CCDC91: variants seen among roughly 807,000 people sequenced by gnomAD.
CCDC91 encodes the protein coiled-coil domain-containing protein 91.
In CCDC91, 48 loss-of-function variants were observed where a neutral mutation model predicts 63.2. The observed-to-expected ratio is 0.76, with a 90% CI of 0.60 to 0.97. CCDC91 has a LOEUF of 0.97. CCDC91 is among the 50% of genes least tolerant of loss of function. The pLI is 0.00. For missense variants in CCDC91, 500 were observed against 494.6 expected (o/e 1.01, Z -0.10); for synonymous variants, 167 against 165.8 (o/e 1.01, Z -0.06).
chr12:28,238,533 ATATATT>A (rs1945118410), intron 1 of CCDC91, among the ~76,000 whole-genome samples: 1 of 152,176 alleles, frequency 6.6e-6, no homozygotes, highest in Admixed American at 6.5e-5. Flanking sequence ...AATTAAAAAA[ATATATT>A]TATACCAGTT....
At chr12:28,363,525 C>T (rs1944042469) in intron 7 of CCDC91, among the ~76,000 whole-genome samples, 3 of 152,262 alleles carry the variant, frequency 2.0e-5, no homozygotes, top group Admixed American at 6.5e-5. Context: ...GTTGATTAAA[C>T]TTCCTCACTA....
chr12:28,431,794 A>G (rs1948640461), intron 8 of CCDC91, among the ~76,000 whole-genome samples: 2 of 152,160 alleles, frequency 1.3e-5, no homozygotes, highest in East Asian at 3.9e-4. Context: ...TGTACATTCT[A>G]AGAGTTCTGA....
intron 8 of CCDC91, among the ~76,000 whole-genome samples, chr12:28,432,308 C>G (rs1414492426): frequency 6.6e-6 from 1 of 152,022 alleles, no homozygotes; most frequent in South Asian, 2.1e-4. Flanking sequence ...AATTGTAATT[C>G]TCATATGTTG....
intron 3 of CCDC91, among the ~76,000 whole-genome samples, chr12:28,294,998 C>T (rs1949472210): frequency 6.6e-6 from 1 of 152,172 alleles, no homozygotes; most frequent in South Asian, 2.1e-4. Flanking sequence ...TATTCATTGT[C>T]TACATTCAGC....
intron 8 of CCDC91, among the ~76,000 whole-genome samples, chr12:28,407,229 G>A (rs1361638349): frequency 1.3e-5 from 2 of 152,106 alleles, no homozygotes; most frequent in African/African-American, 2.4e-5. Context: ...GAAGAACAGC[G>A]AGCCCATTAA....
chr12:28,534,779 T>G (rs1262266392), intron 12 of CCDC91, among the ~76,000 whole-genome samples: 1 of 152,188 alleles, frequency 6.6e-6, no homozygotes. Flanking sequence ...TGAGAAAAAC[T>G]ACTGCAGAGG....
chr12:28,436,027 T>C (rs1434594828), intron 8 of CCDC91, among the ~76,000 whole-genome samples: 1 of 151,818 alleles, frequency 6.6e-6, no homozygotes, highest in Non-Finnish European at 1.5e-5. Context: ...TAATTCAGCC[T>C]TTTTTGCTCC....
At chr12:28,265,164 C>G (rs1438350203) in intron 3 of CCDC91, among the ~76,000 whole-genome samples, 1 of 151,964 alleles carries the variant, frequency 6.6e-6, no homozygotes. Context: ...TATAAATTGT[C>G]TAGAAGGCGA....
chr12:28,259,311 A>G, intron 2 of CCDC91, 53 bp from the exon 3 acceptor site: 2 of 1,315,930 alleles, frequency 1.5e-6, no homozygotes, highest in Non-Finnish European at 2.2e-6. Context: ...GATCACTTAA[A>G]TAGCATTTCT....
At chr12:28,379,197 C>T (rs921108441) in intron 7 of CCDC91, among the ~76,000 whole-genome samples, 6 of 151,908 alleles carry the variant, frequency 3.9e-5, no homozygotes, top group African/African-American at 1.5e-4. Context: ...TACATAAAAA[C>T]CCTAGAAGAA....
At chr12:28,425,960 T>C (rs1470974854) in intron 8 of CCDC91, among the ~76,000 whole-genome samples, 1 of 152,198 alleles carries the variant, frequency 6.6e-6, no homozygotes. Flanking sequence ...TGTTTCTGTA[T>C]CATATATCGT....
chr12:28,389,103 C>A (rs564943823), intron 7 of CCDC91, among the ~76,000 whole-genome samples: 1 of 152,248 alleles, frequency 6.6e-6, no homozygotes, highest in African/African-American at 2.4e-5. Flanking sequence ...CCATCTGATT[C>A]AAAGGACTAA....
intron 3 of CCDC91, among the ~76,000 whole-genome samples, chr12:28,272,034 G>A (rs1221502423): frequency 2.0e-5 from 3 of 151,494 alleles, no homozygotes; most frequent in Non-Finnish European, 4.4e-5. Context: ...TATTTCTTTG[G>A]TCTGCACAAC....
intron 3 of CCDC91, among the ~76,000 whole-genome samples, chr12:28,259,709 C>G (rs192191798): frequency 2.0e-4 from 30 of 151,976 alleles, no homozygotes; most frequent in Non-Finnish European, 3.8e-4. Flanking sequence ...TTAAATTTAT[C>G]TTAGTTTTTG....
chr12:28,439,577 G>A (rs1264993320), intron 8 of CCDC91, among the ~76,000 whole-genome samples: 2 of 152,114 alleles, frequency 1.3e-5, no homozygotes, highest in Admixed American at 1.3e-4. Context: ...TGTATGGTCA[G>A]TGGAAGTTTA....
At chr12:28,391,517 T>C in intron 8 of CCDC91, 106 bp downstream of exon 8, 1 of 624,618 alleles carries the variant, frequency 1.6e-6, no homozygotes, top group Non-Finnish European at 2.7e-6. Context: ...CTTGGTGTAT[T>C]TTGGAGAAAA....
chr12:28,257,255 G>A lies in CCDC91; in HGVS notation c.30+10G>A. ...TTTTGGTGGTTTTGAGGTATGCACT[G>A]TTATTTACATTAGTTTGTTTTAACT... is the stretch of plus-strand genomic sequence containing the variant. On this transcript the variant is annotated intron_variant, in intron 2 of 12. Transcript: ENST00000536442. 2 of 1,592,086 alleles carry A rather than the reference G, an allele frequency of 1.3e-6. No individual in the cohort carries two copies. The highest frequency in any genetic ancestry group is 1.7e-4 in the Middle Eastern group (1 of 6,014).
At chr12:28,338,989 C>G (rs1310780139) in intron 6 of CCDC91, among the ~76,000 whole-genome samples, 1 of 152,022 alleles carries the variant, frequency 6.6e-6, no homozygotes, top group African/African-American at 2.4e-5. Context: ...TACAGGCATG[C>G]ACTACCATGC....
chr12:28,421,859 C>T (rs1307526549), intron 8 of CCDC91, among the ~76,000 whole-genome samples: 1 of 152,102 alleles, frequency 6.6e-6, no homozygotes, highest in Non-Finnish European at 1.5e-5. Context: ...TTCCCTGTAT[C>T]CTATCATTTC....
Sources: allele counts gnomAD v4.1 joint callset (sites outside exome capture counted in the v4.1 genomes callset), GRCh38; gene constraint gnomAD v4.1.1; transcripts MANE v1.5; gene names NCBI Gene and HGNC (gene_info 2026-07-23, HGNC 2026-07-21).